CCDC30: variants seen among roughly 807,000 people sequenced by gnomAD.
CCDC30 encodes the protein coiled-coil domain containing 30.
In CCDC30, 70 loss-of-function variants were observed where a neutral mutation model predicts 100.2. The ratio of observed to expected loss-of-function variants is 0.70; its 90% confidence interval spans 0.58 to 0.85. The LOEUF (loss-of-function observed/expected upper bound fraction) is 0.85, where lower values mean the gene tolerates loss of function less well. Among genes scored for constraint, CCDC30 ranks in the 40% least tolerant of loss-of-function variants. The pLI, the probability that CCDC30 is intolerant of heterozygous loss-of-function variation, is 0.00. For missense variants in CCDC30, 652 were observed against 771.2 expected, an observed-to-expected ratio of 0.85 and a Z score of 1.83; for synonymous variants, 233 against 269.5, an observed-to-expected ratio of 0.86 and a Z score of 1.33.
At chr1:42,601,343 G>A (rs1238100148) in intron 10 of CCDC30, among the ~76,000 whole-genome samples, 2 of 152,186 alleles carry the variant, frequency 1.3e-5, no homozygotes, top group Non-Finnish European at 2.9e-5. Flanking sequence ...AACCCCTGAA[G>A]GCAGCTTGAA....
chr1:42,587,770 C>G (rs1297054266), intron 9 of CCDC30, among the ~76,000 whole-genome samples: 5 of 152,204 alleles, frequency 3.3e-5, no homozygotes, highest in African/African-American at 9.7e-5. Flanking sequence ...ATCATCATCA[C>G]AGTCTTCAAG....
intron 10 of CCDC30, among the ~76,000 whole-genome samples, chr1:42,608,299 T>C (rs1431304578): frequency 1.3e-5 from 2 of 152,260 alleles, no homozygotes; most frequent in African/African-American, 4.8e-5. Context: ...GATTGCACTG[T>C]TGAAGATGCC....
chr1:42,479,558 CAT>C (rs1643924444), intron 1 of CCDC30, among the ~76,000 whole-genome samples: 1 of 120,796 alleles, frequency 8.3e-6, no homozygotes, highest in Admixed American at 8.5e-5. Context: ...TAGATATAGA[CAT>C]ATGCTTAAAA....
At chr1:42,651,700 C>CA (rs899746469) in intron 15 of CCDC30, among the ~76,000 whole-genome samples, 103 of 151,768 alleles carry the variant, frequency 6.8e-4, no homozygotes, top group African/African-American at 2.3e-3. Flanking sequence ...CCTGTATCTA[C>CA]AAAAAAAAAT....
chr1:42,581,335 A>T, intron 8 of CCDC30, 25 bp from the exon 13 acceptor site: 1 of 1,578,286 alleles, frequency 6.3e-7, no homozygotes, highest in Non-Finnish European at 8.6e-7. Flanking sequence ...TTAATGCTTT[A>T]CTTGTAAATG....
At chr1:42,609,257 T>C (rs1346703060) in intron 10 of CCDC30, among the ~76,000 whole-genome samples, 1 of 152,314 alleles carries the variant, frequency 6.6e-6, no homozygotes, top group Non-Finnish European at 1.5e-5. Flanking sequence ...ACTTAATGAA[T>C]AGTAAATATA....
intron 1 of CCDC30, chr1:42,473,416 C>T: frequency 3.5e-6 from 2 of 575,206 alleles, no homozygotes; most frequent in Non-Finnish European, 5.1e-6. Flanking sequence ...GTTTGAAAAG[C>T]ACCCACGTGT....
At chr1:42,495,316 T>C (rs949115501) in intron 4 of CCDC30, among the ~76,000 whole-genome samples, 5 of 148,170 alleles carry the variant, frequency 3.4e-5, no homozygotes, top group Admixed American at 6.7e-5. Context: ...TGAGAACACA[T>C]GGACACAGGA....
At chr1:42,635,480 T>C (rs931138220) in intron 11 of CCDC30, among the ~76,000 whole-genome samples, 1 of 152,306 alleles carries the variant, frequency 6.6e-6, no homozygotes, top group Middle Eastern at 3.4e-3. Flanking sequence ...TTCATTTATC[T>C]TGAATATATA....
Position 42,473,283 on chromosome 1 carries a change from C to A in CCDC30, c.-91-7178C>A, listed in dbSNP as rs1398942198. ...AGATGTAGAAGAGCTTATAGTGAAG[C>A]ACATGGGTGAAACAAAAGAAGTGAG... is the stretch of plus-strand genomic sequence containing the variant. On this transcript the variant is annotated intron_variant, in intron 1 of 16. Coordinates refer to ENST00000668663, the Ensembl canonical transcript of CCDC30. The A allele has an allele frequency of 2.4e-6, 3 of 1,231,038 alleles. No homozygotes were observed. In the African/African-American group the frequency reaches 4.7e-5, roughly 19 times the overall value. 76.3% of individuals were successfully genotyped at this position (1,231,038 alleles called of 1,614,324 possible). A position where few individuals can be genotyped will look rare whatever the true frequency, so the allele number is the denominator to read the frequency against.
intron 10 of CCDC30, among the ~76,000 whole-genome samples, chr1:42,597,802 C>T (rs1023302688): frequency 2.6e-5 from 4 of 151,216 alleles, no homozygotes; most frequent in African/African-American, 9.7e-5. Flanking sequence ...GAGGTCTAGG[C>T]GGCAGTGAGT....
At position 42,566,269 on chromosome 1, in the gene CCDC30, G is replaced by A. The variant is rs752028889; in HGVS notation, c.457-27G>A. ...ACCAATATTCTTTCCAATTGTCTGT[G>A]TTTCTCTTTTAAAATGTTTGCTTTA... On this transcript the variant is annotated intron_variant, in intron 6 of 16. Coordinates refer to ENST00000668663, the Ensembl canonical transcript of CCDC30. The A allele has an allele frequency of 3.8e-6, 6 of 1,572,930 alleles. No individual in the cohort carries two copies. The South Asian group carries it at 5.7e-5, about 15-fold the overall frequency.
chr1:42,616,292 G>A (rs555519967), intron 11 of CCDC30, among the ~76,000 whole-genome samples: 41 of 152,272 alleles, frequency 2.7e-4, no homozygotes, highest in Admixed American at 9.1e-4. Context: ...TAGGGTGGTG[G>A]ATTCTGACCC....
At chr1:42,654,441 C>G (rs985457912), downstream of CCDC30, 4 of 166,120 alleles carry the variant, frequency 2.4e-5, no homozygotes, top group African/African-American at 9.6e-5. Flanking sequence ...ATAATCCCAG[C>G]ACTTTGGGAG....
At chr1:42,640,522 C>T (rs937084710) in intron 12 of CCDC30, among the ~76,000 whole-genome samples, 1 of 152,116 alleles carries the variant, frequency 6.6e-6, no homozygotes, top group Non-Finnish European at 1.5e-5. Context: ...TAGATATTGC[C>T]GGGTCCCTGA....
At chr1:42,489,634 C>G (rs761779660) in intron 3 of CCDC30, among the ~76,000 whole-genome samples, 3 of 152,130 alleles carry the variant, frequency 2.0e-5, no homozygotes, top group Non-Finnish European at 2.9e-5. Flanking sequence ...GGGATAAAAC[C>G]TGAAGTAGAG....
intron 6 of CCDC30, among the ~76,000 whole-genome samples, chr1:42,532,660 A>G (rs147800708): frequency 2.0e-4 from 31 of 152,340 alleles, no homozygotes; most frequent in African/African-American, 6.5e-4. Flanking sequence ...CACTTAGATA[A>G]AGGATTTTTC....
intron 6 of CCDC30, chr1:42,521,303 C>T (rs1004832616): frequency 1.3e-5 from 2 of 154,586 alleles, no homozygotes; most frequent in Non-Finnish European, 2.9e-5. Context: ...TTCTTTGTGA[C>T]TTATTTTTTG....
intron 6 of CCDC30, among the ~76,000 whole-genome samples, chr1:42,522,374 C>T (rs1174123386): frequency 6.6e-6 from 1 of 152,058 alleles, no homozygotes; most frequent in Non-Finnish European, 1.5e-5. Flanking sequence ...GGTCTTACTT[C>T]TGTCATTTTG....
Sources: gnomAD v4.1 joint callset for allele counts (sites outside exome capture counted in the v4.1 genomes callset) on GRCh38, gnomAD v4.1.1 for gene constraint, MANE v1.5 for transcripts, NCBI Gene and HGNC (gene_info 2026-07-23, HGNC 2026-07-21) for gene names.